DPP6: variants seen among roughly 807,000 people sequenced by gnomAD.
DPP6 encodes the protein dipeptidyl peptidase like 6.
In DPP6, 69 loss-of-function variants were observed where a neutral mutation model predicts 122.6. The ratio of observed to expected loss-of-function variants is 0.56; its 90% CI spans 0.46 to 0.69. The LOEUF (loss-of-function observed/expected upper bound fraction) is 0.69. Ranked by LOEUF, DPP6 falls within the 30% of genes least tolerant of loss-of-function variation. The pLI, the probability that DPP6 is intolerant of heterozygous loss-of-function variation, is 0.00. For synonymous variants in DPP6, 418 were observed against 433.1 expected, an observed-to-expected ratio of 0.97 and a Z score of 0.43; for missense variants, 928 against 1,116.9, an observed-to-expected ratio of 0.83 and a Z score of 2.41.
At chr7:154,685,685 C>T (rs1047337518) in intron 7 of DPP6, among the ~76,000 whole-genome samples, 4 of 152,186 alleles carry the variant, frequency 2.6e-5, no homozygotes, top group African/African-American at 7.2e-5. Context: ...GTCATTAAAA[C>T]ATTGCCAGGG....
intron 5 of DPP6, among the ~76,000 whole-genome samples, chr7:154,619,774 G>A (rs757811500): frequency 3.5e-4 from 53 of 152,292 alleles, no homozygotes; most frequent in Middle Eastern, 3.4e-3. Context: ...GGTTGCATAC[G>A]CCACTGCACA....
At chr7:154,098,304 G>C (rs1283922918) in intron 1 of DPP6, among the ~76,000 whole-genome samples, 1 of 152,144 alleles carries the variant, frequency 6.6e-6, no homozygotes, top group African/African-American at 2.4e-5. Flanking sequence ...ATGATTGTAA[G>C]TTTCCTGAGG....
chr7:153,804,263 A>G, the DPP6 span, among the ~76,000 whole-genome samples: 2 of 151,774 alleles, frequency 1.3e-5, no homozygotes, highest in African/African-American at 2.4e-5. Context: ...TGTTGGCCAG[A>G]CTGGTCTCGA....
At chr7:154,680,857 G>T (rs141087270) in intron 7 of DPP6, among the ~76,000 whole-genome samples, 1 of 152,238 alleles carries the variant, frequency 6.6e-6, no homozygotes, top group African/African-American at 2.4e-5. Flanking sequence ...GGATCACAGT[G>T]CCGTTAATTC....
At chr7:153,952,679 T>A (rs1013400318) in intron 1 of DPP6, among the ~76,000 whole-genome samples, 1 of 152,218 alleles carries the variant, frequency 6.6e-6, no homozygotes, top group Non-Finnish European at 1.5e-5. Flanking sequence ...TTTGAAAGGT[T>A]TATTTATTCC....
At chr7:153,863,935 CT>C in the DPP6 span, among the ~76,000 whole-genome samples, 1 of 152,234 alleles carries the variant, frequency 6.6e-6, no homozygotes, top group East Asian at 1.9e-4. Context: ...GCTGAATAAT[CT>C]TCCACTGTAT....
chr7:154,806,155 G>A (rs1362579672), intron 15 of DPP6, among the ~76,000 whole-genome samples: 1 of 152,220 alleles, frequency 6.6e-6, no homozygotes, highest in Non-Finnish European at 1.5e-5. Context: ...TAATAAACAT[G>A]AGAGGCTGCC....
chr7:154,342,205 G>T (rs1290638484), intron 1 of DPP6, among the ~76,000 whole-genome samples: 1 of 152,204 alleles, frequency 6.6e-6, no homozygotes, highest in African/African-American at 2.4e-5. Context: ...AGCCAGCAGG[G>T]TCTGACAACC....
At chr7:154,703,618 CAAAAAAAA>C (rs56393329) in intron 7 of DPP6, among the ~76,000 whole-genome samples, 1 of 117,448 alleles carries the variant, frequency 8.5e-6, no homozygotes, top group Admixed American at 8.5e-5. Flanking sequence ...CACTCTGTCT[CAAAAAAAA>C]AAAAAAAAAG....
the DPP6 span, among the ~76,000 whole-genome samples, chr7:153,863,219 A>G: frequency 1.4e-4 from 22 of 152,298 alleles, 1 homozygote; most frequent in Admixed American, 7.8e-4. Flanking sequence ...AGCACTGACA[A>G]TGATGGTTTC....
chr7:154,175,951 G>T (rs937729816), intron 1 of DPP6, among the ~76,000 whole-genome samples: 1 of 152,048 alleles, frequency 6.6e-6, no homozygotes, highest in African/African-American at 2.4e-5. Flanking sequence ...GCCTCCCAAA[G>T]TTCTGGGATT....
chr7:154,037,149 C>T (rs1312829122), intron 1 of DPP6, among the ~76,000 whole-genome samples: 2 of 152,150 alleles, frequency 1.3e-5, no homozygotes, highest in Non-Finnish European at 2.9e-5. Flanking sequence ...TCAGTAAGTA[C>T]ACTATACAAG....
At chr7:153,968,003 A>G (rs1372558218) in intron 1 of DPP6, among the ~76,000 whole-genome samples, 16 of 150,926 alleles carry the variant, frequency 1.1e-4, no homozygotes, top group Non-Finnish European at 4.4e-5. Flanking sequence ...TGCTATTGTG[A>G]GTAGTGCTGC....
At chr7:153,977,165 A>G (rs915958257) in intron 1 of DPP6, among the ~76,000 whole-genome samples, 3 of 151,666 alleles carry the variant, frequency 2.0e-5, no homozygotes, top group Non-Finnish European at 4.4e-5. Flanking sequence ...TTAACATGGT[A>G]GGTGGCATTT....
At chr7:154,890,170 C>T (rs544570194) in intron 25 of DPP6, 1 of 153,142 alleles carries the variant, frequency 6.5e-6, no homozygotes, top group South Asian at 2.1e-4. Context: ...TTCCTTCCTG[C>T]CTTCTGCTCC....
chr7:154,620,699 C>T (rs953169519), intron 5 of DPP6, among the ~76,000 whole-genome samples: 13 of 152,328 alleles, frequency 8.5e-5, no homozygotes, highest in South Asian at 4.1e-4. Context: ...CGAGCTGTAA[C>T]GACGTCCCCG....
intron 12 of DPP6, chr7:154,796,222 C>T (rs1206191106): frequency 3.8e-6 from 1 of 263,542 alleles, no homozygotes; most frequent in Admixed American, 5.2e-5. Context: ...ACATAATCTA[C>T]TATAGTAAAA....
intron 16 of DPP6, among the ~76,000 whole-genome samples, chr7:154,851,225 T>C (rs1053589900): frequency 7.0e-6 from 1 of 142,062 alleles, no homozygotes; most frequent in African/African-American, 2.6e-5. Context: ...GACAAAAGAC[T>C]TAAAACTATC....
chr7:154,092,953 C>G (rs1428694019), intron 1 of DPP6: 1 of 152,086 alleles, frequency 6.6e-6, no homozygotes, highest in Non-Finnish European at 1.5e-5. Context: ...GCTTGCGTCT[C>G]CTTGTGCAAG....
Sources: allele counts gnomAD v4.1 joint callset (sites outside exome capture counted in the v4.1 genomes callset), GRCh38; gene constraint gnomAD v4.1.1; transcripts MANE v1.5; gene names NCBI Gene and HGNC (gene_info 2026-07-23, HGNC 2026-07-21).